Variants in NRXN1 observed in about 807,000 individuals in gnomAD.
NRXN1 encodes neurexin 1, also known as neurexin-1.
NRXN1 carries 39 observed loss-of-function variants against 150.9 expected under a neutral mutation model. The ratio of observed to expected loss-of-function variants is 0.26; its 90% CI spans 0.20 to 0.34. The LOEUF is 0.34. Ranked by LOEUF, NRXN1 falls within the 10% of genes least tolerant of loss-of-function variation. The probability of loss-of-function intolerance (pLI) is 1.00; values close to 1 mark genes in which losing one functional copy is unlikely to be tolerated. For missense variants in NRXN1, 1,815 were observed against 1,949.9 expected (o/e 0.93, Z 1.30); for synonymous variants, 924 against 757.0 (o/e 1.22, Z -3.62).
At chr2:50,808,460 A>G (rs1252294683) in intron 5 of NRXN1, among the ~76,000 whole-genome samples, 1 of 151,846 alleles carries the variant, frequency 6.6e-6, no homozygotes, top group Admixed American at 6.7e-5. Flanking sequence ...AGCTTTTAAT[A>G]AAGTTACTGA....
intron 21 of NRXN1, among the ~76,000 whole-genome samples, chr2:50,004,491 C>G (rs1311101377): frequency 1.3e-5 from 2 of 152,076 alleles, no homozygotes; most frequent in East Asian, 3.9e-4. Flanking sequence ...TTTCTTGAGT[C>G]TTCTCCCTAC....
intron 5 of NRXN1, among the ~76,000 whole-genome samples, chr2:50,797,439 G>A (rs990710530): frequency 5.9e-5 from 9 of 151,996 alleles, no homozygotes; most frequent in Non-Finnish European, 1.3e-4. Context: ...GTGAGTACAG[G>A]CCAAGCATGA....
intron 5 of NRXN1, chr2:50,898,529 A>G (rs1237018408): frequency 1.4e-5 from 6 of 417,616 alleles, no homozygotes; most frequent in Non-Finnish European, 2.3e-5. Context: ...AATGTCAAAT[A>G]AAAGACATGC....
intron 18 of NRXN1, among the ~76,000 whole-genome samples, chr2:50,135,912 A>C (rs1411266804): frequency 6.6e-6 from 1 of 152,204 alleles, no homozygotes; most frequent in Non-Finnish European, 1.5e-5. Flanking sequence ...TGTAAAGCCT[A>C]TATTTAATCT....
intron 17 of NRXN1, among the ~76,000 whole-genome samples, chr2:50,452,191 A>T (rs2087033258): frequency 6.6e-6 from 1 of 152,194 alleles, no homozygotes; most frequent in African/African-American, 2.4e-5. Context: ...AAGACATCCC[A>T]TTAATCAGAT....
chr2:50,958,620 A>C (rs1198279966), intron 2 of NRXN1, among the ~76,000 whole-genome samples: 2 of 152,088 alleles, frequency 1.3e-5, no homozygotes, highest in African/African-American at 4.8e-5. Context: ...TTCTGTATGC[A>C]AGATAATGCC....
chr2:50,448,991 A>G (rs2086718067), intron 17 of NRXN1, among the ~76,000 whole-genome samples: 1 of 152,208 alleles, frequency 6.6e-6, no homozygotes, highest in Non-Finnish European at 1.5e-5. Flanking sequence ...TGACTCTCAC[A>G]TTATTACTGG....
At chr2:50,756,333 A>C (rs929038242) in intron 5 of NRXN1, among the ~76,000 whole-genome samples, 6 of 151,676 alleles carry the variant, frequency 4.0e-5, no homozygotes, top group Non-Finnish European at 8.8e-5. Flanking sequence ...AGAGCATAGC[A>C]AAGTGCATTC....
At chr2:50,558,777 A>G (rs1471609917) in intron 8 of NRXN1, among the ~76,000 whole-genome samples, 1 of 152,150 alleles carries the variant, frequency 6.6e-6, no homozygotes, top group Non-Finnish European at 1.5e-5. Flanking sequence ...GACCAAGTGA[A>G]GGCCGAGCGC....
intron 5 of NRXN1, among the ~76,000 whole-genome samples, chr2:50,843,013 G>A (rs368098410): frequency 7.2e-5 from 11 of 152,150 alleles, no homozygotes; most frequent in East Asian, 5.8e-4. Flanking sequence ...ACAGATGTCT[G>A]TGGGTAGTAA....
chr2:50,093,823 G>T (rs1294900926), intron 18 of NRXN1, among the ~76,000 whole-genome samples: 1 of 152,096 alleles, frequency 6.6e-6, no homozygotes, highest in East Asian at 1.9e-4. Flanking sequence ...GGGTGATTAA[G>T]CAATTTGGCT....
At chr2:50,386,291 C>T (rs1169826317) in intron 17 of NRXN1, among the ~76,000 whole-genome samples, 1 of 151,874 alleles carries the variant, frequency 6.6e-6, no homozygotes, top group Non-Finnish European at 1.5e-5. Flanking sequence ...AAGATAAAAT[C>T]TGTAAGTGCA....
intron 18 of NRXN1, among the ~76,000 whole-genome samples, chr2:50,094,034 T>C (rs1699913726): frequency 6.6e-6 from 1 of 152,226 alleles, no homozygotes; most frequent in Non-Finnish European, 1.5e-5. Context: ...TAAGGGGCCT[T>C]GTATTGTTCT....
At chr2:50,619,238 A>G (rs2104225939) in intron 8 of NRXN1, 1 of 152,308 alleles carries the variant, frequency 6.6e-6, no homozygotes, top group South Asian at 2.1e-4. Context: ...GTAGGCATAC[A>G]ATGTAAGAGG....
chr2:50,547,084 T>C (rs931227545), intron 9 of NRXN1, among the ~76,000 whole-genome samples: 2 of 152,200 alleles, frequency 1.3e-5, no homozygotes, highest in African/African-American at 2.4e-5. Flanking sequence ...TTATGTGCTC[T>C]TGAGAGAGCC....
intron 3 of NRXN1, among the ~76,000 whole-genome samples, chr2:50,924,417 G>A (rs1686554012): frequency 6.6e-6 from 1 of 151,690 alleles, no homozygotes; most frequent in African/African-American, 2.4e-5. Context: ...AAAGAGAGAA[G>A]CATTCATGCT....
chr2:50,219,069 T>C (rs1314574304), intron 18 of NRXN1, among the ~76,000 whole-genome samples: 1 of 152,030 alleles, frequency 6.6e-6, no homozygotes, highest in African/African-American at 2.4e-5. Flanking sequence ...TGAATAGTTA[T>C]CGTACTTCAA....
At chr2:50,141,028 G>A (rs1467207674) in intron 18 of NRXN1, among the ~76,000 whole-genome samples, 4 of 151,984 alleles carry the variant, frequency 2.6e-5, no homozygotes, top group Non-Finnish European at 5.9e-5. Flanking sequence ...AATACTAGGT[G>A]TAGATATTTT....
At chr2:50,620,606 G>A (rs768951471) in intron 7 of NRXN1, among the ~76,000 whole-genome samples, 14 of 152,096 alleles carry the variant, frequency 9.2e-5, no homozygotes, top group Non-Finnish European at 1.3e-4. Context: ...CATAAAAGGC[G>A]CAAGCTATTT....
Sources: allele counts gnomAD v4.1 joint callset (sites outside exome capture counted in the v4.1 genomes callset), GRCh38; gene constraint gnomAD v4.1.1; transcripts MANE v1.5; gene names NCBI Gene and HGNC (gene_info 2026-07-23, HGNC 2026-07-21).